The following KLHL24 variants were observed in gnomAD, a reference collection of about 807,000 sequenced individuals.
KLHL24 encodes kelch-like protein 24.
In KLHL24, 29 loss-of-function variants were observed where a neutral mutation model predicts 53.4. The ratio of observed to expected loss-of-function variants is 0.54; its 90% CI spans 0.40 to 0.74. The LOEUF (loss-of-function observed/expected upper bound fraction) is 0.74, where lower values mean the gene tolerates loss of function less well. Ranked by LOEUF, KLHL24 falls within the 30% of genes least tolerant of loss-of-function variation. KLHL24 has a pLI of 0.00. For missense variants in KLHL24, 504 were observed against 744.0 expected (o/e 0.68, Z 3.75); for synonymous variants, 222 against 253.7 (o/e 0.88, Z 1.19).
At chr3:183,661,623 GTACTAAATGTTT>G (rs1256942308) in intron 3 of KLHL24, among the ~76,000 whole-genome samples, 1 of 152,114 alleles carries the variant, frequency 6.6e-6, no homozygotes, top group East Asian at 1.9e-4. Flanking sequence ...TTATTTATTG[GTACTAAATGTTT>G]TAGCAATTAG....
intron 2 of KLHL24, among the ~76,000 whole-genome samples, chr3:183,646,694 A>G (rs1036165072): frequency 5.9e-5 from 9 of 152,192 alleles, no homozygotes; most frequent in Non-Finnish European, 7.3e-5. Context: ...ATATGAAGAG[A>G]ATTTTTAAAA....
chr3:183,645,643 A>AT (rs2108777794), intron 2 of KLHL24, among the ~76,000 whole-genome samples: 1 of 152,006 alleles, frequency 6.6e-6, no homozygotes, highest in East Asian at 1.9e-4. Context: ...TTTTAAACTC[A>AT]GATATATTTT....
intron 5 of KLHL24, among the ~76,000 whole-genome samples, chr3:183,670,088 C>A (rs956150639): frequency 6.6e-6 from 1 of 152,020 alleles, no homozygotes; most frequent in Non-Finnish European, 1.5e-5. Flanking sequence ...CAGAGGGAGA[C>A]CCTGTCTCTG....
At position 183,679,465 on chromosome 3, in the gene KLHL24, A is replaced by G. The variant is rs1712460232; in HGVS notation, c.*179A>G. The G allele has an allele frequency of 5.3e-6, 3 of 568,768 alleles. No homozygotes were observed. Among genetic ancestry groups the G allele is most frequent in the Admixed American group, 6.7e-5 (2 of 29,768 alleles). The allele number at this position is 568,768 out of a possible 1,614,324, so 35.2% of individuals were successfully genotyped here. Reference sequence around the variant, plus strand: ...AAACTATAATAAAGCCTTTCCTATAATTGAAAAAAAAAACTTTTTTGTTAA... The same window carrying G: ...AAACTATAATAAAGCCTTTCCTATAGTTGAAAAAAAAAACTTTTTTGTTAA... On this transcript the variant is annotated 3_prime_UTR_variant, in exon 8 of 8. Coordinates refer to ENST00000242810, the MANE Select transcript of KLHL24 (RefSeq NM_017644.3).
intron 7 of KLHL24, among the ~76,000 whole-genome samples, chr3:183,674,554 G>T (rs1181119229): frequency 6.6e-6 from 1 of 151,994 alleles, no homozygotes; most frequent in African/African-American, 2.4e-5. Flanking sequence ...TAGAAACGGG[G>T]TTTCACTATG....
At chr3:183,653,440 CAA>C (rs1718410405) in intron 3 of KLHL24, among the ~76,000 whole-genome samples, 1 of 152,150 alleles carries the variant, frequency 6.6e-6, no homozygotes, top group Non-Finnish European at 1.5e-5. Context: ...GAGCAATGAA[CAA>C]AGACAGGGCT....
At position 183,650,701 on chromosome 3, in the gene KLHL24, A is replaced by T. The variant is rs779575814; in HGVS notation, c.345A>T (p.Glu115Asp). Reference protein sequence around the residue: ...MLVEINGILAEAMECFLQYVY... With the variant: ...MLVEINGILADAMECFLQYVY... ...TTGAGATCAATGGTATTTTAGCTGA[A>T]GCTATGGAATGTTTTTTGCAGTATG... is the stretch of plus-strand genomic sequence containing the variant. Residue 115 changes from glutamate (E) to aspartate (D), a missense_variant, in exon 3 of 8, where the codon GAA becomes GAT. Glu to Asp is a conservative substitution (Grantham distance 45). Transcript: ENST00000242810. The surrounding 1 kb of genome is among the most constrained non-coding windows in gnomAD (Gnocchi z 4.5). 6.2e-7 allele frequency: 1 copy of T among 1,613,972 alleles called. No individual in the cohort carries two copies. Among genetic ancestry groups the T allele is most frequent in the Admixed American group, 1.7e-5 (1 of 60,018 alleles).
At chr3:183,645,705 C>T (rs550545252) in intron 2 of KLHL24, among the ~76,000 whole-genome samples, 52 of 152,170 alleles carry the variant, frequency 3.4e-4, no homozygotes, top group African/African-American at 1.2e-3. Flanking sequence ...TTTATTTGTT[C>T]TCAGGCAAGT....
chr3:183,641,100 T>C (rs929544560), intron 1 of KLHL24, among the ~76,000 whole-genome samples: 19 of 152,166 alleles, frequency 1.2e-4, no homozygotes, highest in Admixed American at 1.2e-3. Context: ...TCAAATAAAT[T>C]AGCTTTTGAG....
Position 183,671,149 on chromosome 3 carries a change from CTGCAGTGACT to C in KLHL24, c.1341_1350del (p.Thr450Ter). On this transcript the variant is annotated frameshift_variant, in exon 6 of 8. Coordinates refer to ENST00000242810, the MANE Select transcript of KLHL24 (RefSeq NM_017644.3). LOFTEE classifies it high-confidence loss of function. ...CCCCTTAAGGAAGCCGTGAGTTCTC[CTGCAGTGACT>C]AGCTGTGTAGGCAAACTGTTTGTGA... 1.2e-6 allele frequency: 2 copies of C among 1,614,106 alleles called. No homozygotes were observed. Among genetic ancestry groups the C allele is most frequent in the Non-Finnish European group, 1.7e-6 (2 of 1,179,992 alleles).
At chr3:183,645,690 G>C (rs1016969390) in intron 2 of KLHL24, among the ~76,000 whole-genome samples, 13 of 152,056 alleles carry the variant, frequency 8.5e-5, no homozygotes. Context: ...AAATGAAATA[G>C]AGCTTTTATT....
chr3:183,663,742 C>T lies in KLHL24; in HGVS notation c.1105+100C>T. The T allele has an allele frequency of 3.3e-6, 2 of 613,536 alleles. No homozygotes were observed. The highest frequency in any genetic ancestry group is 5.1e-6 in the Non-Finnish European group (2 of 388,812). 38.0% of individuals were successfully genotyped at this position (613,536 alleles called of 1,614,324 possible). On this transcript the variant is annotated intron_variant, in intron 4 of 7. Transcript: ENST00000242810. The surrounding 1 kb of genome is among the most constrained non-coding windows in gnomAD (Gnocchi z 4.9). ...TAAAATAGTGAAATGTGAATACTCC[C>T]ACTTGAGGAAGATCAGTTTACAACA...
chr3:183,682,668 T>C lies in KLHL24; in HGVS notation c.*3382T>C, dbSNP rs1214716542. 3 of 152,644 alleles carry C rather than the reference T, an allele frequency of 2.0e-5. No individual in the cohort carries two copies. Among genetic ancestry groups the C allele is most frequent in the Non-Finnish European group, 4.4e-5 (3 of 68,034 alleles). The allele number at this position is 152,644 out of a possible 1,614,324, so 9.5% of individuals were successfully genotyped here. A position where few individuals can be genotyped will look rare whatever the true frequency, so the allele number is the denominator to read the frequency against. On this transcript the variant is annotated 3_prime_UTR_variant, in exon 8 of 8. Transcript: ENST00000242810. ...AAATGTTTTGTGGACTGATACATTT[T>C]ATCTTACTGAATATGAATTGTTTAT...
In KLHL24 at chr3:183,650,692, T is replaced by G; in HGVS notation, c.336T>G (p.Ile112Met). ...AAATGTTGGTTGAGATCAATGGTAT[T>G]TTAGCTGAAGCTATGGAATGTTTTT... is the stretch of plus-strand genomic sequence containing the variant. ...SREMLVEING[I>M]LAEAMECFLQ... is the part of the protein sequence containing the mutation. The change falls in exon 3 of 8, where the codon ATT becomes ATG. Residue 112 changes from isoleucine to methionine, a missense_variant. Coordinates refer to ENST00000242810, the MANE Select transcript of KLHL24 (RefSeq NM_017644.3). This position sits in a 1 kb window ranked among gnomAD's most constrained non-coding sequence, Gnocchi z 4.5. 6.2e-7 allele frequency: 1 copy of G among 1,614,032 alleles called. No homozygotes were observed.
intron 1 of KLHL24, among the ~76,000 whole-genome samples, chr3:183,637,901 C>T (rs1404607794): frequency 2.0e-5 from 3 of 152,192 alleles, no homozygotes; most frequent in African/African-American, 7.2e-5. Context: ...TCAGGTGATC[C>T]GCCCGCCTCA....
At chr3:183,641,317 A>AC (rs1339534955) in intron 1 of KLHL24, among the ~76,000 whole-genome samples, 2 of 151,628 alleles carry the variant, frequency 1.3e-5, no homozygotes, top group East Asian at 3.9e-4. Context: ...ACATGGTGAA[A>AC]CCCCGTCTCT....
At chr3:183,664,573 G>T (rs764552077) in intron 4 of KLHL24, among the ~76,000 whole-genome samples, 1 of 150,266 alleles carries the variant, frequency 6.7e-6, no homozygotes, top group African/African-American at 2.5e-5. Flanking sequence ...TGAAAAATCG[G>T]TCAATTAAAA....
At chr3:183,640,080 T>C (rs1282117392) in intron 1 of KLHL24, among the ~76,000 whole-genome samples, 4 of 151,720 alleles carry the variant, frequency 2.6e-5, no homozygotes, top group Non-Finnish European at 5.9e-5. Context: ...ATATCATATA[T>C]CTATAGGTGT....
chr3:183,672,239 A>G, intron 6 of KLHL24, 57 bp from the exon 7 acceptor site: 1 of 854,074 alleles, frequency 1.2e-6, no homozygotes, highest in South Asian at 2.9e-5. Context: ...ATTCTTTATT[A>G]AGTACATTTC....
Sources: gnomAD v4.1 joint callset for allele counts (sites outside exome capture counted in the v4.1 genomes callset) on GRCh38, gnomAD v4.1.1 for gene constraint, Gnocchi (gnomAD v3.1) non-coding constraint, MANE v1.5 for transcripts, NCBI Gene and HGNC (gene_info 2026-07-23, HGNC 2026-07-21) for gene names.